The following ABCD3 variants were observed in gnomAD, a reference collection of about 807,000 sequenced individuals.
ABCD3 encodes the protein ATP-binding cassette sub-family D member 3.
A neutral mutation model predicts 105.5 loss-of-function variants in ABCD3; 41 were observed. That is an observed-to-expected ratio of 0.39 (90% CI 0.30 to 0.50). The LOEUF (loss-of-function observed/expected upper bound fraction) is 0.50, where lower values mean the gene tolerates loss of function less well. ABCD3 is among the 20% of genes least tolerant of loss of function. The probability of loss-of-function intolerance (pLI) is 0.84; values close to 1 mark genes in which losing one functional copy is unlikely to be tolerated. For synonymous variants in ABCD3, 258 were observed against 269.0 expected, an observed-to-expected ratio of 0.96 and a Z score of 0.40; for missense variants, 622 against 806.3, an observed-to-expected ratio of 0.77 and a Z score of 2.77.
chr1:94,505,969 T>C (rs1214297178), intron 20 of ABCD3, among the ~76,000 whole-genome samples: 1 of 152,122 alleles, frequency 6.6e-6, no homozygotes, highest in Non-Finnish European at 1.5e-5. Context: ...TGTAGGAAAA[T>C]GTTCATCATT....
In ABCD3 at chr1:94,475,214, T is replaced by C. The variant is rs1296513915; in HGVS notation, c.477T>C (p.Thr159=). ...ELKLCFRVRL[T]KYLYEEYLQA... ...AACTGTGCTTCCGAGTAAGGCTCACTAAATACCTCTATGAGGAGTATCTTC... is the reference window on the plus strand; with the variant it reads ...AACTGTGCTTCCGAGTAAGGCTCACCAAATACCTCTATGAGGAGTATCTTC... The change falls in exon 6 of 23, where the codon ACT becomes ACC. Residue 159 remains threonine, a synonymous_variant. Transcript: ENST00000370214. 1.3e-6 allele frequency: 2 copies of C among 1,599,482 alleles called. No homozygotes were observed. The highest frequency in any genetic ancestry group is 1.7e-6 in the Non-Finnish European group (2 of 1,170,870).
intron 1 of ABCD3, among the ~76,000 whole-genome samples, chr1:94,446,725 A>G (rs1244854655): frequency 1.1e-4 from 16 of 152,194 alleles, no homozygotes; most frequent in African/African-American, 9.6e-5. Flanking sequence ...TCATTTCTCT[A>G]CAGCACTGGC....
chr1:94,443,170 G>T (rs367785567), intron 1 of ABCD3, among the ~76,000 whole-genome samples: 1 of 152,080 alleles, frequency 6.6e-6, no homozygotes, highest in African/African-American at 2.4e-5. Context: ...GACTGGTATA[G>T]GATGGTAATC....
At chr1:94,390,326 A>G in the ABCD3 span, among the ~76,000 whole-genome samples, 1 of 151,982 alleles carries the variant, frequency 6.6e-6, no homozygotes, top group African/African-American at 2.4e-5. Context: ...TTTGTGAGAC[A>G]GACTCTCGTT....
chr1:94,486,327 C>T (rs746981516), intron 10 of ABCD3, among the ~76,000 whole-genome samples: 6 of 152,084 alleles, frequency 3.9e-5, no homozygotes, highest in Non-Finnish European at 8.8e-5. Flanking sequence ...CTTTGGATAC[C>T]GAGGGATGAC....
the ABCD3 span, among the ~76,000 whole-genome samples, chr1:94,410,234 T>C: frequency 6.6e-6 from 1 of 152,204 alleles, no homozygotes; most frequent in Admixed American, 6.5e-5. Flanking sequence ...TTCACTCTCT[T>C]ATAGATTCCC....
the ABCD3 span, among the ~76,000 whole-genome samples, chr1:94,388,184 A>G: frequency 6.6e-6 from 1 of 152,234 alleles, no homozygotes; most frequent in Non-Finnish European, 1.5e-5. Flanking sequence ...TTATTTAAAA[A>G]TAAAACATAA....
At chr1:94,418,685 C>A in intron 1 of ABCD3, 97 bp downstream of exon 1, 1 of 1,324,134 alleles carries the variant, frequency 7.6e-7, no homozygotes, top group Non-Finnish European at 1.0e-6. Context: ...CTTTGCCCGA[C>A]GGGGTCGGGC....
chr1:94,475,012 G>C, intron 5 of ABCD3, 131 bp from the exon 6 acceptor site: 1 of 652,976 alleles, frequency 1.5e-6, no homozygotes. Context: ...AAACAGAACT[G>C]AATTATATAA....
intron 1 of ABCD3, among the ~76,000 whole-genome samples, chr1:94,422,506 C>T (rs1352615387): frequency 6.6e-6 from 1 of 152,218 alleles, no homozygotes; most frequent in African/African-American, 2.4e-5. Context: ...GAGACTACTG[C>T]TCTAGGTATC....
intron 1 of ABCD3, among the ~76,000 whole-genome samples, chr1:94,431,785 C>T (rs1659692181): frequency 6.6e-6 from 1 of 152,082 alleles, no homozygotes; most frequent in Admixed American, 6.5e-5. Flanking sequence ...TAGGCGTGAA[C>T]CACCATGCCT....
intron 10 of ABCD3, among the ~76,000 whole-genome samples, chr1:94,485,973 G>A (rs922931604): frequency 3.3e-5 from 5 of 151,930 alleles, no homozygotes; most frequent in Non-Finnish European, 5.9e-5. Context: ...GGGCAGATCA[G>A]TTGAGGTCAG....
intron 16 of ABCD3, among the ~76,000 whole-genome samples, chr1:94,492,088 T>C (rs993546524): frequency 1.3e-5 from 2 of 152,102 alleles, no homozygotes; most frequent in Admixed American, 6.6e-5. Flanking sequence ...CTAGTACAGC[T>C]GCAAAACTGA....
chr1:94,404,302 G>A, the ABCD3 span, among the ~76,000 whole-genome samples: 6 of 152,170 alleles, frequency 3.9e-5, no homozygotes, highest in Non-Finnish European at 8.8e-5. Flanking sequence ...ACTATAATGA[G>A]TTCAGGGTTC....
At chr1:94,446,918 G>A (rs1386542507) in intron 1 of ABCD3, among the ~76,000 whole-genome samples, 1 of 152,134 alleles carries the variant, frequency 6.6e-6, no homozygotes, top group East Asian at 1.9e-4. Flanking sequence ...ACAATAATGG[G>A]GAGCAAAAGT....
intron 1 of ABCD3, among the ~76,000 whole-genome samples, chr1:94,436,028 C>T (rs1659888462): frequency 1.3e-5 from 2 of 152,148 alleles, no homozygotes; most frequent in African/African-American, 4.8e-5. Context: ...ATGTTCCAGG[C>T]TCCTCTTAGA....
At chr1:94,414,110 T>G (rs1303109473), upstream of ABCD3, among the ~76,000 whole-genome samples, 2 of 152,052 alleles carry the variant, frequency 1.3e-5, no homozygotes, top group Non-Finnish European at 2.9e-5. Flanking sequence ...AGGGGAGAAG[T>G]GCCAAGATAG....
At chr1:94,446,755 A>C (rs879494030) in intron 1 of ABCD3, among the ~76,000 whole-genome samples, 1 of 152,174 alleles carries the variant, frequency 6.6e-6, no homozygotes, top group Non-Finnish European at 1.5e-5. Flanking sequence ...GGCCAATTCA[A>C]CCTGTTCAAT....
At chr1:94,463,903 C>T (rs1648002105) in intron 2 of ABCD3, among the ~76,000 whole-genome samples, 2 of 152,170 alleles carry the variant, frequency 1.3e-5, no homozygotes, top group South Asian at 4.1e-4. Flanking sequence ...AGCAATACTG[C>T]CATCTTGCTG....
Sources: gnomAD v4.1 joint callset for allele counts (sites outside exome capture counted in the v4.1 genomes callset) on GRCh38, gnomAD v4.1.1 for gene constraint, MANE v1.5 for transcripts, NCBI Gene and HGNC (gene_info 2026-07-23, HGNC 2026-07-21) for gene names.